VPS53: variants seen among roughly 807,000 people sequenced by gnomAD.
VPS53 encodes the protein vacuolar protein sorting-associated protein 53 homolog.
Under a neutral mutation model 107.0 loss-of-function variants are expected in VPS53, and 70 were observed. That is an observed-to-expected ratio of 0.65 (90% CI 0.54 to 0.80). The LOEUF is 0.80. VPS53 is among the 30% of genes least tolerant of loss of function. The probability of loss-of-function intolerance (pLI) is 0.00; values close to 1 mark genes in which losing one functional copy is unlikely to be tolerated. For missense variants in VPS53, 917 were observed against 1,049.4 expected (o/e 0.87, Z 1.74); for synonymous variants, 409 against 393.3 (o/e 1.04, Z -0.47).
chr17:663,710 T>TCC (rs1218987636), intron 4 of VPS53, among the ~76,000 whole-genome samples: 1 of 152,228 alleles, frequency 6.6e-6, no homozygotes, highest in Admixed American at 6.5e-5. Context: ...CAGTTATAGT[T>TCC]CTAGGCACGA....
At chr17:549,224 C>T (rs778793536) in intron 17 of VPS53, among the ~76,000 whole-genome samples, 6 of 152,118 alleles carry the variant, frequency 3.9e-5, no homozygotes, top group Non-Finnish European at 5.9e-5. Flanking sequence ...TTTTTTAAAT[C>T]CTAGAAGAAA....
chr17:540,000 A>C (rs1447071222), intron 17 of VPS53, among the ~76,000 whole-genome samples: 1 of 152,006 alleles, frequency 6.6e-6, no homozygotes, highest in African/African-American at 2.4e-5. Flanking sequence ...GTCTATCTAA[A>C]GCCCAACCAG....
chr17:643,897 T>G (rs1970569400), intron 7 of VPS53, among the ~76,000 whole-genome samples: 1 of 152,250 alleles, frequency 6.6e-6, no homozygotes, highest in Non-Finnish European at 1.5e-5. Context: ...GCCATAGAGC[T>G]GTGCAGGCCT....
chr17:529,208 T>A (rs1284044137), intron 19 of VPS53, among the ~76,000 whole-genome samples: 1 of 152,212 alleles, frequency 6.6e-6, no homozygotes, highest in Non-Finnish European at 1.5e-5. Context: ...ATCCCTCAGC[T>A]CAGATCTGTT....
At chr17:708,701 G>T (rs1423677919) in intron 2 of VPS53, among the ~76,000 whole-genome samples, 1 of 152,144 alleles carries the variant, frequency 6.6e-6, no homozygotes, top group African/African-American at 2.4e-5. Context: ...GCAAGACCAA[G>T]GTGCCTTCAA....
chr17:540,950 C>T (rs962321122), intron 17 of VPS53, among the ~76,000 whole-genome samples: 6 of 152,192 alleles, frequency 3.9e-5, no homozygotes, highest in Non-Finnish European at 8.8e-5. Flanking sequence ...CAGAGAACAG[C>T]GCTCCACAAC....
intron 7 of VPS53, among the ~76,000 whole-genome samples, 153 bp from the exon 8 acceptor site, chr17:631,781 G>C (rs1483625534): frequency 6.6e-6 from 1 of 151,888 alleles, no homozygotes; most frequent in Non-Finnish European, 1.5e-5. Context: ...CTAGTTAAGT[G>C]ACAGGTTGAT....
chr17:710,198 G>C (rs1182313632), intron 2 of VPS53, among the ~76,000 whole-genome samples: 1 of 152,112 alleles, frequency 6.6e-6, no homozygotes, highest in Non-Finnish European at 1.5e-5. Flanking sequence ...AGAGGTGAAA[G>C]TGGCTTTATG....
chr17:588,191 G>A (rs376427846), intron 12 of VPS53, among the ~76,000 whole-genome samples: 19 of 152,108 alleles, frequency 1.2e-4, no homozygotes, highest in Admixed American at 3.3e-4. Flanking sequence ...GGTGGTGTGC[G>A]CCTGTAGTCC....
intron 5 of VPS53, chr17:657,164 T>C: frequency 6.6e-7 from 1 of 1,507,926 alleles, no homozygotes; most frequent in South Asian, 1.1e-5. Context: ...GCATCATGAG[T>C]CACCAGATGA....
At chr17:697,558 A>C in intron 3 of VPS53, 74 bp from the exon 4 acceptor site, 4 of 1,289,186 alleles carry the variant, frequency 3.1e-6, no homozygotes, top group Non-Finnish European at 4.5e-6. Context: ...AAAAAGTAAA[A>C]AGTAATTTAT....
chr17:656,725 TGTGTG>T (rs1173667707), intron 5 of VPS53: 28 of 697,504 alleles, frequency 4.0e-5, no homozygotes, highest in Middle Eastern at 5.4e-4. Flanking sequence ...TGTGTGTGTG[TGTGTG>T]TTTTATCATG....
intron 12 of VPS53, among the ~76,000 whole-genome samples, chr17:588,511 T>C (rs898061379): frequency 6.6e-6 from 1 of 152,196 alleles, no homozygotes; most frequent in Admixed American, 6.5e-5. Context: ...TAAAAACTGA[T>C]TTGTAAAAAA....
intron 19 of VPS53, chr17:523,114 G>C (rs1908873844): frequency 6.6e-6 from 1 of 152,666 alleles, no homozygotes; most frequent in Non-Finnish European, 1.5e-5. Context: ...CGGTTGCCCA[G>C]GTAAATGTCC....
At chr17:636,553 T>C (rs970515293) in intron 7 of VPS53, among the ~76,000 whole-genome samples, 7 of 152,238 alleles carry the variant, frequency 4.6e-5, no homozygotes, top group African/African-American at 1.2e-4. Context: ...GGCTGTGGGT[T>C]TGTCATAGAT....
chr17:709,368 A>C (rs9903927), intron 2 of VPS53, among the ~76,000 whole-genome samples: 7,561 of 152,210 alleles, frequency 0.05, 621 homozygotes, highest in African/African-American at 0.17. Context: ...ATTTCTCCCT[A>C]GTTTCTAAAA....
chr17:541,317 T>C (rs751361613), intron 17 of VPS53, among the ~76,000 whole-genome samples: 1 of 152,244 alleles, frequency 6.6e-6, no homozygotes, highest in African/African-American at 2.4e-5. Context: ...GGAATGTTTA[T>C]CAACCGCCTG....
chr17:587,282 C>T (rs1418838892), intron 12 of VPS53, among the ~76,000 whole-genome samples: 5 of 152,144 alleles, frequency 3.3e-5, no homozygotes, highest in Non-Finnish European at 7.3e-5. Context: ...AGGCTAGTCT[C>T]GAACTCTTGG....
intron 13 of VPS53, among the ~76,000 whole-genome samples, chr17:574,631 G>T (rs891162718): frequency 6.6e-6 from 1 of 152,046 alleles, no homozygotes; most frequent in African/African-American, 2.4e-5. Flanking sequence ...CAGGTGTGGT[G>T]GTGTGTGCCT....
Sources: allele counts gnomAD v4.1 joint callset (sites outside exome capture counted in the v4.1 genomes callset), GRCh38; gene constraint gnomAD v4.1.1; transcripts MANE v1.5; gene names NCBI Gene and HGNC (gene_info 2026-07-23, HGNC 2026-07-21).